Variants in SEMA3A observed in about 807,000 individuals in gnomAD.
SEMA3A encodes the protein semaphorin-3A.
Under a neutral mutation model 97.9 loss-of-function variants are expected in SEMA3A, and 29 were observed. The ratio of observed to expected loss-of-function variants is 0.30; its 90% confidence interval spans 0.22 to 0.40. The LOEUF (loss-of-function observed/expected upper bound fraction) is 0.40. SEMA3A is among the 10% of genes least tolerant of loss of function. The pLI is 1.00. For synonymous variants in SEMA3A, 321 were observed against 323.7 expected (o/e 0.99, Z 0.09); for missense variants, 763 against 951.3 (o/e 0.80, Z 2.60).
chr7:84,033,858 A>G (rs1046179569), intron 6 of SEMA3A, among the ~76,000 whole-genome samples: 1 of 152,170 alleles, frequency 6.6e-6, no homozygotes, highest in Non-Finnish European at 1.5e-5. Context: ...CAAGGGCCAC[A>G]CACGTAGTAG....
intron 1 of SEMA3A, among the ~76,000 whole-genome samples, chr7:84,440,405 T>C (rs1337615864): frequency 6.6e-6 from 1 of 152,208 alleles, no homozygotes. Context: ...TGGGTCTTGC[T>C]TTCCAAATGT....
At chr7:84,276,759 G>A (rs1485840600) in intron 3 of SEMA3A, among the ~76,000 whole-genome samples, 3 of 151,954 alleles carry the variant, frequency 2.0e-5, no homozygotes, top group Non-Finnish European at 4.4e-5. Flanking sequence ...TATACTTTAA[G>A]CATTTCATTT....
At chr7:84,273,342 A>T (rs75487442) in intron 3 of SEMA3A, among the ~76,000 whole-genome samples, 1 of 152,136 alleles carries the variant, frequency 6.6e-6, no homozygotes, top group African/African-American at 2.4e-5. Flanking sequence ...CTAGTCTCCT[A>T]GAATATTAAT....
chr7:84,252,522 C>G (rs904407042), intron 3 of SEMA3A, among the ~76,000 whole-genome samples: 6 of 152,144 alleles, frequency 3.9e-5, no homozygotes, highest in Admixed American at 2.0e-4. Context: ...AGTTATGAAC[C>G]TGTCATAAAA....
upstream of SEMA3A, among the ~76,000 whole-genome samples, chr7:84,198,501 C>T (rs1798288988): frequency 6.6e-6 from 1 of 152,074 alleles, no homozygotes; most frequent in East Asian, 1.9e-4. Flanking sequence ...TGTGCCCGGC[C>T]TTATATTGGC....
chr7:84,265,040 C>G (rs1474255998), intron 3 of SEMA3A, among the ~76,000 whole-genome samples: 1 of 152,128 alleles, frequency 6.6e-6, no homozygotes. Context: ...CTTCCCAACC[C>G]AGAGTACCCC....
intron 3 of SEMA3A, among the ~76,000 whole-genome samples, chr7:84,287,931 T>C (rs866962489): frequency 9.2e-5 from 14 of 152,142 alleles, no homozygotes; most frequent in African/African-American, 3.4e-4. Flanking sequence ...CAATGCTGGG[T>C]TTAGAAAAAT....
chr7:84,103,986 A>G (rs13224288), intron 4 of SEMA3A, among the ~76,000 whole-genome samples: 64,428 of 151,988 alleles, frequency 0.42, 14,838 homozygotes, highest in Admixed American at 0.52. Flanking sequence ...GGACCCATAT[A>G]TGAGAAAGAG....
intron 4 of SEMA3A, among the ~76,000 whole-genome samples, chr7:84,065,886 T>C (rs1373912406): frequency 4.0e-5 from 6 of 151,608 alleles, no homozygotes; most frequent in African/African-American, 9.7e-5. Flanking sequence ...TTCCAATCAA[T>C]AGAAAAAGAG....
chr7:84,135,009 A>T, intron 1 of SEMA3A, 58 bp from the exon 2 acceptor site: 2 of 1,407,962 alleles, frequency 1.4e-6, no homozygotes, highest in Non-Finnish European at 2.0e-6. Flanking sequence ...ATAAGCATAG[A>T]CTGTTGGTAC....
chr7:84,264,512 C>T (rs1439004935), intron 3 of SEMA3A, among the ~76,000 whole-genome samples: 1 of 152,126 alleles, frequency 6.6e-6, no homozygotes, highest in Non-Finnish European at 1.5e-5. Context: ...ATTAAGATAA[C>T]ATATTTTCAT....
At chr7:84,355,488 G>C (rs1409286130) in intron 2 of SEMA3A, among the ~76,000 whole-genome samples, 1 of 151,782 alleles carries the variant, frequency 6.6e-6, no homozygotes, top group Non-Finnish European at 1.5e-5. Flanking sequence ...ACTGCACAGA[G>C]AAAGAAGAGT....
chr7:84,432,370 G>C (rs189217638), intron 1 of SEMA3A, among the ~76,000 whole-genome samples: 1 of 151,684 alleles, frequency 6.6e-6, no homozygotes, highest in East Asian at 1.9e-4. Flanking sequence ...TTTCTCTTTA[G>C]TACTACAATT....
chr7:84,214,275 A>AT (rs1475864089), intron 3 of SEMA3A, among the ~76,000 whole-genome samples: 5 of 152,162 alleles, frequency 3.3e-5, no homozygotes, highest in Non-Finnish European at 5.9e-5. Context: ...CTCCTATTGC[A>AT]TTTTTTGTTA....
chr7:84,455,064 T>C (rs1805655544), intron 1 of SEMA3A, among the ~76,000 whole-genome samples: 1 of 152,032 alleles, frequency 6.6e-6, no homozygotes, highest in Non-Finnish European at 1.5e-5. Context: ...TGAATAATTA[T>C]TACAAATTAA....
At chr7:84,485,444 T>C (rs1466750860) in intron 1 of SEMA3A, among the ~76,000 whole-genome samples, 1 of 151,804 alleles carries the variant, frequency 6.6e-6, no homozygotes, top group Non-Finnish European at 1.5e-5. Context: ...GGGGCGATCA[T>C]AGTTGATTAC....
intron 1 of SEMA3A, among the ~76,000 whole-genome samples, chr7:84,452,578 C>T (rs1028626482): frequency 2.6e-5 from 4 of 152,152 alleles, no homozygotes; most frequent in South Asian, 2.1e-4. Context: ...CCTTTTTTAT[C>T]GGCTCTCAGC....
At chr7:84,402,103 G>C (rs1803920394) in intron 1 of SEMA3A, among the ~76,000 whole-genome samples, 1 of 152,098 alleles carries the variant, frequency 6.6e-6, no homozygotes, top group Non-Finnish European at 1.5e-5. Flanking sequence ...ACCCAACAAA[G>C]AGTTAATTGC....
At chr7:84,259,836 A>G (rs1201777592) in intron 3 of SEMA3A, among the ~76,000 whole-genome samples, 1 of 151,826 alleles carries the variant, frequency 6.6e-6, no homozygotes, top group East Asian at 1.9e-4. Flanking sequence ...AAGAAAAGAA[A>G]GGAAAAAAAA....
Sources: allele counts gnomAD v4.1 joint callset (sites outside exome capture counted in the v4.1 genomes callset), GRCh38; gene constraint gnomAD v4.1.1; transcripts MANE v1.5; gene names NCBI Gene and HGNC (gene_info 2026-07-23, HGNC 2026-07-21).